CCDC80: variants seen among roughly 807,000 people sequenced by gnomAD.
CCDC80 encodes coiled-coil domain-containing protein 80.
Under a neutral mutation model 78.7 loss-of-function variants are expected in CCDC80, and 49 were observed. The observed-to-expected ratio is 0.62, with a 90% CI of 0.50 to 0.79. The LOEUF (loss-of-function observed/expected upper bound fraction) is 0.79, where lower values mean the gene tolerates loss of function less well. Among genes scored for constraint, CCDC80 ranks in the 30% least tolerant of loss-of-function variants. CCDC80 has a pLI of 0.00. For synonymous variants in CCDC80, 488 were observed against 447.0 expected (o/e 1.09, Z -1.16); for missense variants, 1,205 against 1,198.6 (o/e 1.01, Z -0.08).
chr3:112,608,683 T>C (rs1233541372), intron 6 of CCDC80, among the ~76,000 whole-genome samples: 1 of 152,206 alleles, frequency 6.6e-6, no homozygotes, highest in East Asian at 1.9e-4. Context: ...ACTGGCCACA[T>C]TGGTGGCTAT....
chr3:112,606,903 C>A (rs1241203289), intron 7 of CCDC80, among the ~76,000 whole-genome samples: 1 of 151,970 alleles, frequency 6.6e-6, no homozygotes, highest in Non-Finnish European at 1.5e-5. Flanking sequence ...TATACGGACC[C>A]CCAAAAAGCA....
rs2107497696 is a variant in CCDC80, at chr3:112,638,336, G to C, written c.1570C>G (p.Leu524Val). 1 of 1,614,108 alleles carries C rather than the reference G, an allele frequency of 6.2e-7. No individual in the cohort carries two copies. Among genetic ancestry groups the C allele is most frequent in the South Asian group, 1.1e-5 (1 of 91,064 alleles). Residue 524 changes from leucine to valine, a missense_variant, in exon 2 of 8, where the codon CTG (leucine) becomes GTG (valine). Physicochemically the swap from Leu to Val is conservative, Grantham distance 32 (BLOSUM62 1). Transcript: ENST00000206423. ...TTAAGGGGAACATTCCCCACCTGCA[G>C]CTCGTCCTCCAGCTGAGAGGCAGTA... ...RPTASQLEDE[L>V]QVGNVPLKKA...
chr3:112,632,184 C>A (rs551760955), intron 2 of CCDC80, among the ~76,000 whole-genome samples: 49 of 152,064 alleles, frequency 3.2e-4, no homozygotes, highest in Non-Finnish European at 6.8e-4. Context: ...TTGATGGGAG[C>A]GCAGATACCA....
intron 3 of CCDC80, among the ~76,000 whole-genome samples, chr3:112,624,744 G>A (rs937432520): frequency 6.6e-6 from 1 of 152,066 alleles, no homozygotes; most frequent in African/African-American, 2.4e-5. Flanking sequence ...AAATCTTAAA[G>A]TTATAAATAT....
intron 5 of CCDC80, among the ~76,000 whole-genome samples, chr3:112,614,628 A>T (rs577711913): frequency 7.9e-5 from 12 of 152,172 alleles, no homozygotes; most frequent in African/African-American, 2.9e-4. Context: ...TTCTGTTTCC[A>T]TTACGGATAC....
chr3:112,609,014 A>T (rs1192768399), intron 6 of CCDC80, among the ~76,000 whole-genome samples: 3 of 152,216 alleles, frequency 2.0e-5, no homozygotes, highest in Non-Finnish European at 1.5e-5. Flanking sequence ...CTCCTAATAG[A>T]GGCATCAAAA....
At chr3:112,636,990 G>T (rs1936220561) in intron 2 of CCDC80, among the ~76,000 whole-genome samples, 1 of 152,194 alleles carries the variant, frequency 6.6e-6, no homozygotes, top group South Asian at 2.1e-4. Flanking sequence ...AAGACAAGAA[G>T]AGGAGAAGGA....
chr3:112,622,318 T>C lies in CCDC80; in HGVS notation c.2036-3214A>G, dbSNP rs535420064. ...CTCCCAGATTATAGGAATATCTACA[T>C]GTTTGTGCTGAGTAGGAGAATCTGC... On this transcript the variant is annotated intron_variant, in intron 3 of 7. Transcript: ENST00000206423. Among the ~76,000 whole-genome samples, 5 of 152,372 alleles carry C rather than the reference T, an allele frequency of 3.3e-5. No individual in the cohort carries two copies. The South Asian group carries it at 1.0e-3, about 32-fold the overall frequency.
At position 112,638,280 on chromosome 3, in the gene CCDC80, C is replaced by T. The variant is rs763049995; in HGVS notation, c.1626G>A (p.Lys542=). The T allele has an allele frequency of 2.5e-6, 4 of 1,614,060 alleles. No individual in the cohort carries two copies. In the Admixed American group the frequency reaches 6.7e-5, roughly 27 times the overall value. Residue 542 remains lysine, a synonymous_variant, in exon 2 of 8, where the codon AAG becomes AAA. Transcript: ENST00000206423. ...TCTTCTCCTTCTCTGGTTTCTCAAG[C>T]TTTTCATGCTTTTTAGACTCCTTTG... ...KKAKESKKHE[K]LEKPEKEKKK... is the part of the protein sequence containing the mutation.
At chr3:112,623,040 G>T (rs968051407) in intron 3 of CCDC80, among the ~76,000 whole-genome samples, 3 of 152,040 alleles carry the variant, frequency 2.0e-5, no homozygotes, top group Admixed American at 6.6e-5. Flanking sequence ...CAGCTGAAAT[G>T]CTTCATAGAT....
Position 112,601,389 on chromosome 3 carries a change from G to A in CCDC80, c.*4028C>T, listed in dbSNP as rs1164650866. 1 of 152,208 alleles carries A rather than the reference G, an allele frequency of 6.6e-6. No individual in the cohort carries two copies. The highest frequency in any genetic ancestry group is 1.5e-5 in the Non-Finnish European group (1 of 68,042). 9.4% of individuals were successfully genotyped at this position (152,208 alleles called of 1,614,324 possible). A position where few individuals can be genotyped will look rare whatever the true frequency, so the allele number is the denominator to read the frequency against. The stretch of plus-strand genomic sequence containing the variant: ...TTTGGAGAATTAATGATTAATAACA[G>A]TGGAAAATAGCCTTCCCATTATTGT... On this transcript the variant is annotated 3_prime_UTR_variant, in exon 8 of 8. Coordinates refer to ENST00000206423, the MANE Select transcript of CCDC80 (RefSeq NM_199511.3).
intron 5 of CCDC80, among the ~76,000 whole-genome samples, chr3:112,616,494 C>G (rs1368199967): frequency 1.4e-5 from 2 of 146,310 alleles, no homozygotes; most frequent in South Asian, 4.5e-4. Context: ...GTCACCAAAT[C>G]AACATTGATG....
At position 112,616,807 on chromosome 3, in the gene CCDC80, T is replaced by C; in HGVS notation, c.2224A>G (p.Thr742Ala). Residue 742 changes from threonine (T) to alanine (A), a missense_variant, in exon 5 of 8, where the codon ACT (threonine) becomes GCT (alanine). Thr to Ala is a moderately conservative substitution (Grantham distance 58, BLOSUM62 0). Transcript: ENST00000206423. ...ATATCTTTGATTCGGGACTGGAAAG[T>C]ATCGATCAGATCAAACACAGACTTC... Reference protein sequence around the residue: ...TMKSVFDLIDTFQSRIKDMEK... With the variant: ...TMKSVFDLIDAFQSRIKDMEK... 6.2e-7 allele frequency: 1 copy of C among 1,614,190 alleles called. No individual in the cohort carries two copies. Among genetic ancestry groups the C allele is most frequent in the Non-Finnish European group, 8.5e-7 (1 of 1,180,016 alleles).
rs1299822942 is a variant in CCDC80 at position 112,597,878 on chromosome 3, G to C, written c.*7539C>G. 2 of 152,098 alleles carry C rather than the reference G, an allele frequency of 1.3e-5. No individual in the cohort carries two copies. The highest frequency in any genetic ancestry group is 2.9e-5 in the Non-Finnish European group (2 of 68,038). The allele number at this position is 152,098 out of a possible 1,614,324, so 9.4% of individuals were successfully genotyped here. A position where few individuals can be genotyped will look rare whatever the true frequency, so the allele number is the denominator to read the frequency against. On this transcript the variant is annotated 3_prime_UTR_variant, in exon 8 of 8. Transcript: ENST00000206423. ...TTTATAATTAACGGCGTACCTAACT[G>C]TTCTCTACTAGTCTGAGCCTCTGTA...
At chr3:112,619,743 C>A (rs1269858389) in intron 3 of CCDC80, among the ~76,000 whole-genome samples, 1 of 152,152 alleles carries the variant, frequency 6.6e-6, no homozygotes, top group Non-Finnish European at 1.5e-5. Flanking sequence ...TTTTTTCAAT[C>A]ATCAGCCTCC....
rs1285565858 is a variant in CCDC80, at chr3:112,598,356, T to A, written c.*7061A>T. On this transcript the variant is annotated 3_prime_UTR_variant, in exon 8 of 8. Coordinates refer to ENST00000206423, the MANE Select transcript of CCDC80 (RefSeq NM_199511.3). ...ATTATAGATAGCCTTGGGAAGGGTG[T>A]CACCTTTATCCTATCAGTTCCACCT... The A allele has an allele frequency of 3.9e-5, 6 of 152,200 alleles. No homozygotes were observed. The highest frequency in any genetic ancestry group is 3.9e-4 in the Admixed American group (6 of 15,268). The allele number at this position is 152,200 out of a possible 1,614,324, so 9.4% of individuals were successfully genotyped here. A position where few individuals can be genotyped will look rare whatever the true frequency, so the allele number is the denominator to read the frequency against.
Position 112,641,110 on chromosome 3 carries a change from G to T in CCDC80, c.-795C>A, listed in dbSNP as rs1051552733. 3.3e-5 allele frequency: 5 copies of T among 152,228 alleles called. No homozygotes were observed. Among genetic ancestry groups the T allele is most frequent in the Non-Finnish European group, 4.4e-5 (3 of 68,072 alleles). 9.4% of individuals were successfully genotyped at this position (152,228 alleles called of 1,614,324 possible). A position where few individuals can be genotyped will look rare whatever the true frequency, so the allele number is the denominator to read the frequency against. On this transcript the variant is annotated 5_prime_UTR_variant, in exon 1 of 8. Coordinates refer to ENST00000206423, the MANE Select transcript of CCDC80 (RefSeq NM_199511.3). ...CACCGCCTCCTTCCCATTTTAGCAC[G>T]TTCAGAGTGGACTCAGTGAGGAGTG...
intron 2 of CCDC80, among the ~76,000 whole-genome samples, chr3:112,632,018 AG>A (rs554222980): frequency 1.4e-4 from 22 of 152,318 alleles, no homozygotes; most frequent in African/African-American, 4.6e-4. Context: ...TAATTTTTTA[AG>A]GGGAAAAACA....
At chr3:112,613,240 T>A (rs541574199) in intron 5 of CCDC80, among the ~76,000 whole-genome samples, 154 of 152,308 alleles carry the variant, frequency 1.0e-3, no homozygotes, top group African/African-American at 3.5e-3. Flanking sequence ...AGTACACTAT[T>A]CCACTTTAAT....
Sources: allele counts gnomAD v4.1 joint callset (sites outside exome capture counted in the v4.1 genomes callset), GRCh38; gene constraint gnomAD v4.1.1; transcripts MANE v1.5; gene names NCBI Gene and HGNC (gene_info 2026-07-23, HGNC 2026-07-21).